Variants in NTM observed in about 807,000 individuals in gnomAD.
NTM encodes neurotrimin.
In NTM, 13 loss-of-function variants were observed where a neutral mutation model predicts 42.1. The ratio of observed to expected loss-of-function variants is 0.31; its 90% confidence interval spans 0.20 to 0.49. NTM has a LOEUF of 0.49. Ranked by LOEUF, NTM falls within the 20% of genes least tolerant of loss-of-function variation. The pLI is 0.99. For synonymous variants in NTM, 187 were observed against 179.2 expected, an observed-to-expected ratio of 1.04 and a Z score of -0.35; for missense variants, 373 against 452.8, an observed-to-expected ratio of 0.82 and a Z score of 1.60.
intron 1 of NTM, among the ~76,000 whole-genome samples, chr11:131,521,051 G>T (rs1447295490): frequency 7.9e-5 from 12 of 151,988 alleles, no homozygotes; most frequent in African/African-American, 1.2e-4. Flanking sequence ...TTGGCCAGGC[G>T]TGGTGGCTCA....
intron 2 of NTM, among the ~76,000 whole-genome samples, chr11:132,135,701 G>A (rs2137151156): frequency 6.6e-6 from 1 of 152,342 alleles, no homozygotes; most frequent in African/African-American, 2.4e-5. Context: ...TCTCAGGCTG[G>A]GCTGTCAGAA....
At chr11:131,563,969 G>C (rs975711134) in intron 1 of NTM, among the ~76,000 whole-genome samples, 20 of 152,052 alleles carry the variant, frequency 1.3e-4, no homozygotes, top group African/African-American at 4.6e-4. Flanking sequence ...ACCTGACTCT[G>C]CTCCCCAGAC....
chr11:132,060,502 C>T (rs758988676), intron 2 of NTM, among the ~76,000 whole-genome samples: 2 of 144,246 alleles, frequency 1.4e-5, no homozygotes, highest in Non-Finnish European at 3.2e-5. Flanking sequence ...CTGCTGTCCT[C>T]CGCTGATGAA....
intron 1 of NTM, among the ~76,000 whole-genome samples, chr11:131,419,926 C>T (rs7108020): frequency 2.6e-5 from 4 of 151,966 alleles, no homozygotes; most frequent in Admixed American, 2.6e-4. Flanking sequence ...TCTGTGCCCA[C>T]GAATGCTGTT....
At chr11:132,069,951 C>G (rs2057248973) in intron 2 of NTM, among the ~76,000 whole-genome samples, 1 of 145,684 alleles carries the variant, frequency 6.9e-6, no homozygotes, top group African/African-American at 2.7e-5. Context: ...GTTAACATGT[C>G]ACACAGCCAA....
chr11:131,674,199 A>G (rs2070946724), intron 1 of NTM, among the ~76,000 whole-genome samples: 1 of 152,254 alleles, frequency 6.6e-6, no homozygotes, highest in Non-Finnish European at 1.5e-5. Flanking sequence ...CCAGAGAAGC[A>G]GACGTGCTGC....
intron 1 of NTM, among the ~76,000 whole-genome samples, chr11:131,868,340 A>G (rs2047434035): frequency 6.6e-6 from 1 of 151,926 alleles, no homozygotes; most frequent in Admixed American, 6.6e-5. Context: ...CCTGTCCAGT[A>G]CAGTCTTTGA....
chr11:131,805,252 T>C (rs1031084047), intron 1 of NTM, among the ~76,000 whole-genome samples: 5 of 152,226 alleles, frequency 3.3e-5, no homozygotes, highest in Non-Finnish European at 7.3e-5. Flanking sequence ...TACATGAGCA[T>C]GTACTATGCT....
At chr11:131,989,385 TACTC>T (rs2066619041) in intron 2 of NTM, among the ~76,000 whole-genome samples, 1 of 152,218 alleles carries the variant, frequency 6.6e-6, no homozygotes, top group Non-Finnish European at 1.5e-5. Context: ...ATGTTTGACT[TACTC>T]ATTGCAGAAT....
rs150760341 is a variant in NTM at position 131,829,997 on chromosome 11, T to C, written c.83-81567T>C. On this transcript the variant is annotated intron_variant, in intron 1 of 8. Coordinates refer to ENST00000683400, the MANE Select transcript of NTM (RefSeq NM_001352005.2). ...TGTATGTATTCTTTTGAGAAGTGTG[T>C]GTTCACAGCTTTTGCCCATTTTTAA... Among the ~76,000 whole-genome samples the C allele has an allele frequency of 3.3e-3, 507 of 152,324 alleles. 4 individuals carry two copies. Among genetic ancestry groups the C allele is most frequent in the African/African-American group, 0.012 (483 of 41,576 alleles).
rs560243663 is a variant in NTM, at chr11:132,091,107, T to C, written c.168-55175T>C. 4.6e-5 allele frequency among the ~76,000 whole-genome samples: 7 copies of C among 152,294 alleles called. No homozygotes were observed. The East Asian group carries it at 1.4e-3, about 29-fold the overall frequency. On this transcript the variant is annotated intron_variant, in intron 2 of 8. Transcript: ENST00000683400. The stretch of plus-strand genomic sequence containing the variant: ...TCAGCTCAAAAATTATTTTCTCTTC[T>C]GGACATGGTGAGAAACCCTAGCTTA...
intron 1 of NTM, among the ~76,000 whole-genome samples, chr11:131,544,375 C>T (rs966324890): frequency 2.0e-4 from 30 of 152,176 alleles, no homozygotes; most frequent in Admixed American, 1.4e-3. Flanking sequence ...CAGTTCTCAT[C>T]TCCCCTACCT....
At chr11:132,006,015 T>C (rs1253099948) in intron 2 of NTM, among the ~76,000 whole-genome samples, 3 of 152,236 alleles carry the variant, frequency 2.0e-5, no homozygotes, top group Non-Finnish European at 2.9e-5. Flanking sequence ...AAGAGACATC[T>C]CTGCATTATT....
At chr11:131,397,846 G>A (rs937202225) in intron 1 of NTM, among the ~76,000 whole-genome samples, 20 of 152,270 alleles carry the variant, frequency 1.3e-4, no homozygotes, top group South Asian at 1.0e-3. Flanking sequence ...GCAGAGCACC[G>A]CTGATAGTCT....
At chr11:131,503,709 A>G (rs2047128234) in intron 1 of NTM, among the ~76,000 whole-genome samples, 1 of 149,340 alleles carries the variant, frequency 6.7e-6, no homozygotes, top group Non-Finnish European at 1.5e-5. Flanking sequence ...TTTTTTTTGT[A>G]GAGAGAGTCT....
intron 1 of NTM, among the ~76,000 whole-genome samples, chr11:131,621,169 A>T (rs1249554014): frequency 6.6e-6 from 1 of 152,230 alleles, no homozygotes; most frequent in Non-Finnish European, 1.5e-5. Flanking sequence ...CATAACTAGT[A>T]AATGGTGGCC....
At chr11:131,819,048 A>G (rs1343703611) in intron 1 of NTM, among the ~76,000 whole-genome samples, 6 of 152,196 alleles carry the variant, frequency 3.9e-5, no homozygotes, top group Non-Finnish European at 8.8e-5. Context: ...AGTTTAGTGT[A>G]CCTGCCCAAT....
In NTM at chr11:132,330,170, C is replaced by T; in HGVS notation, c.952C>T (p.Leu318=). ...IMLFEVKTTA[L]TPWKGPGAVS... ...TCTTTTAGAAGTGAAAACTACAGCCCTGACCCCTTGGAAAGGTTTGTATAT... is the reference window on the plus strand; with the variant it reads ...TCTTTTAGAAGTGAAAACTACAGCCTTGACCCCTTGGAAAGGTTTGTATAT... The change falls in exon 8 of 9, where the codon CTG becomes TTG. Residue 318 remains leucine (L), a synonymous_variant. Transcript: ENST00000683400. 1 of 1,551,784 alleles carries T rather than the reference C, an allele frequency of 6.4e-7. No homozygotes were observed. The highest frequency in any genetic ancestry group is 2.0e-5 in the Admixed American group (1 of 50,998).
intron 1 of NTM, among the ~76,000 whole-genome samples, chr11:131,701,424 A>G (rs1342824848): frequency 6.6e-6 from 1 of 152,136 alleles, no homozygotes; most frequent in Non-Finnish European, 1.5e-5. Flanking sequence ...TCTACTACTA[A>G]GAAGGAAATA....
Sources: gnomAD v4.1 joint callset for allele counts (sites outside exome capture counted in the v4.1 genomes callset) on GRCh38, gnomAD v4.1.1 for gene constraint, MANE v1.5 for transcripts, NCBI Gene and HGNC (gene_info 2026-07-23, HGNC 2026-07-21) for gene names.